The following HACD1 variants were observed in gnomAD, a reference collection of about 807,000 sequenced individuals.
HACD1 encodes 3-hydroxyacyl-CoA dehydratase 1, also known as very-long-chain (3R)-3-hydroxyacyl-CoA dehydratase 1.
Under a neutral mutation model 32.0 loss-of-function variants are expected in HACD1, and 41 were observed. The ratio of observed to expected loss-of-function variants is 1.28; its 90% CI spans 1.00 to 1.66. The LOEUF (loss-of-function observed/expected upper bound fraction) is 1.66, where lower values mean the gene tolerates loss of function less well. HACD1 is among the 40% of genes most tolerant of loss of function. The pLI is 0.00. For synonymous variants in HACD1, 142 were observed against 139.0 expected (o/e 1.02, Z -0.15); for missense variants, 396 against 380.1 (o/e 1.04, Z -0.35).
At chr10:17,606,732 G>A (rs1253700282) in intron 1 of HACD1, among the ~76,000 whole-genome samples, 1 of 152,170 alleles carries the variant, frequency 6.6e-6, no homozygotes, top group Non-Finnish European at 1.5e-5. Context: ...AGATTGGCAA[G>A]AAGTCAAGTA....
chr10:17,595,031 G>C (rs2131504282), intron 5 of HACD1, among the ~76,000 whole-genome samples: 1 of 151,944 alleles, frequency 6.6e-6, no homozygotes, highest in South Asian at 2.1e-4. Context: ...GTTAATTTTT[G>C]TATTTTTAGT....
intron 1 of HACD1, among the ~76,000 whole-genome samples, chr10:17,610,168 AATGG>A (rs1834212579): frequency 2.0e-5 from 3 of 152,270 alleles, no homozygotes; most frequent in Admixed American, 2.0e-4. Flanking sequence ...TCCATCAACA[AATGG>A]ATGGATGAAC....
chr10:17,606,947 G>T (rs964692556), intron 1 of HACD1, among the ~76,000 whole-genome samples: 9 of 152,184 alleles, frequency 5.9e-5, no homozygotes, highest in Non-Finnish European at 1.0e-4. Context: ...AATAGGCAGA[G>T]AGGGTCACAC....
Position 17,603,927 on chromosome 10 carries a change from TACCTC to T in HACD1, c.373_375+2del, listed in dbSNP as rs1426156076. On this transcript the variant is annotated splice_donor_variant and coding_sequence_variant, in exon 2 of 7. Coordinates refer to ENST00000361271, the MANE Select transcript of HACD1 (RefSeq NM_014241.4). LOFTEE classifies it high-confidence loss of function. ...TAGAAAAACAGCATGATGGAAAACT[TACCTC>T]AAGCAAGGCAAATGTCTGGAAAAAT... 8 of 1,588,460 alleles carry T rather than the reference TACCTC, an allele frequency of 5.0e-6. No individual in the cohort carries two copies. The highest frequency in any genetic ancestry group is 1.7e-4 in the Middle Eastern group (1 of 6,004).
intron 6 of HACD1, among the ~76,000 whole-genome samples, chr10:17,590,727 A>G (rs1833918261): frequency 6.6e-6 from 1 of 152,182 alleles, no homozygotes; most frequent in Non-Finnish European, 1.5e-5. Flanking sequence ...GCTAGAGTGC[A>G]GTAGCATGAT....
chr10:17,611,388 G>A (rs1554817482), intron 1 of HACD1, among the ~76,000 whole-genome samples: 1 of 152,154 alleles, frequency 6.6e-6, no homozygotes. Flanking sequence ...GCCTACTTAA[G>A]TCCTTCACCG....
At position 17,594,189 on chromosome 10, in the gene HACD1, A is replaced by G. The variant is rs890303623; in HGVS notation, c.784+16T>C. 5.0e-6 allele frequency: 7 copies of G among 1,399,694 alleles called. No homozygotes were observed. The highest frequency in any genetic ancestry group is 2.5e-5 in the Admixed American group (1 of 39,804). The allele number at this position is 1,399,694 out of a possible 1,614,324, so 86.7% of individuals were successfully genotyped here. On this transcript the variant is annotated intron_variant, in intron 6 of 6. Transcript: ENST00000361271. ...CATCATATGTCAAATCAAAGTACTA[A>G]TAAGTATATACTTACAAGGTATATA... is the stretch of plus-strand genomic sequence containing the variant.
intron 5 of HACD1, among the ~76,000 whole-genome samples, chr10:17,598,512 G>A (rs1055003309): frequency 5.3e-5 from 8 of 151,968 alleles, no homozygotes; most frequent in Non-Finnish European, 8.8e-5. Context: ...TTTATGTTTT[G>A]TCTTCATCAT....
chr10:17,615,235 T>A (rs1006975957), intron 1 of HACD1, among the ~76,000 whole-genome samples: 3 of 152,124 alleles, frequency 2.0e-5, no homozygotes, highest in African/African-American at 7.2e-5. Context: ...AGTCAGAGAG[T>A]CCGGGTTGAA....
chr10:17,594,472 C>G, intron 5 of HACD1, 89 bp from the exon 6 acceptor site: 1 of 993,436 alleles, frequency 1.0e-6, no homozygotes. Context: ...TAAATTTAAA[C>G]TTCAAAATTC....
intron 1 of HACD1, among the ~76,000 whole-genome samples, chr10:17,605,291 G>A (rs929825433): frequency 3.9e-5 from 6 of 152,128 alleles, no homozygotes; most frequent in South Asian, 2.1e-4. Context: ...TTGGGAGGCC[G>A]AGGCAGGTGG....
At chr10:17,605,478 T>C (rs1834132851) in intron 1 of HACD1, among the ~76,000 whole-genome samples, 1 of 146,572 alleles carries the variant, frequency 6.8e-6, no homozygotes, top group African/African-American at 2.5e-5. Flanking sequence ...TGAGCCAAGA[T>C]CACGCCACTG....
chr10:17,603,535 T>C, intron 4 of HACD1, 25 bp downstream of exon 4: 1 of 1,554,610 alleles, frequency 6.4e-7, no homozygotes, highest in Admixed American at 1.7e-5. Context: ...CAGGCTCAAG[T>C]AGACAACATG....
Position 17,617,184 on chromosome 10 carries a change from G to A in HACD1, c.156C>T (p.Ala52=), listed in dbSNP as rs1833103447. 2 of 1,503,588 alleles carry A rather than the reference G, an allele frequency of 1.3e-6. No homozygotes were observed. Among genetic ancestry groups the A allele is most frequent in the African/African-American group, 1.4e-5 (1 of 69,324 alleles). The allele number at this position is 1,503,588 out of a possible 1,614,324, so 93.1% of individuals were successfully genotyped here. A position where few individuals can be genotyped will look rare whatever the true frequency, so the allele number is the denominator to read the frequency against. ...SSDEDGTNGG[A]SEAGEDREAP... The stretch of plus-strand genomic sequence containing the variant: ...CCTCCCGGTCCTCGCCGGCCTCCGA[G>A]GCGCCGCCGTTGGTGCCGTCCTCGT... The change falls in exon 1 of 7, where the codon GCC becomes GCT. Residue 52 remains alanine, a synonymous_variant. Coordinates refer to ENST00000361271, the MANE Select transcript of HACD1 (RefSeq NM_014241.4).
rs370580269 is a variant in HACD1, at chr10:17,603,671, C to G, written c.395-23G>C. Reference sequence around the variant, plus strand: ...TTCCTTAAAAAGAAAAACAAGTGAACTATTGCCCTAAAGGCAATTTATAAT... The same window carrying G: ...TTCCTTAAAAAGAAAAACAAGTGAAGTATTGCCCTAAAGGCAATTTATAAT... On this transcript the variant is annotated intron_variant, in intron 3 of 6. Transcript: ENST00000361271. 35 of 1,607,232 alleles carry G rather than the reference C, an allele frequency of 2.2e-5. No homozygotes were observed. The East Asian group carries it at 3.1e-4, about 14-fold the overall frequency.
intron 1 of HACD1, among the ~76,000 whole-genome samples, chr10:17,612,237 C>T (rs1335386157): frequency 4.6e-5 from 7 of 151,878 alleles, no homozygotes; most frequent in East Asian, 1.9e-4. Context: ...TGTCGTTAGG[C>T]GCATGATTTA....
At chr10:17,593,105 G>A (rs1348075961) in intron 6 of HACD1, among the ~76,000 whole-genome samples, 2 of 152,012 alleles carry the variant, frequency 1.3e-5, no homozygotes, top group African/African-American at 2.4e-5. Flanking sequence ...GAGAGGCAGC[G>A]ATTGGAGTGA....
At position 17,590,230 on chromosome 10, in the gene HACD1, C is replaced by T; in HGVS notation, c.*134G>A. 3.4e-6 allele frequency: 2 copies of T among 585,606 alleles called. No homozygotes were observed. The highest frequency in any genetic ancestry group is 5.8e-6 in the Non-Finnish European group (2 of 342,654). 36.3% of individuals were successfully genotyped at this position (585,606 alleles called of 1,614,324 possible). A position where few individuals can be genotyped will look rare whatever the true frequency, so the allele number is the denominator to read the frequency against. On this transcript the variant is annotated 3_prime_UTR_variant, in exon 7 of 7. Coordinates refer to ENST00000361271, the MANE Select transcript of HACD1 (RefSeq NM_014241.4). ...GAGGAACACAAATACTGGCAAATAC[C>T]ACGTGTCTCAAGTTATATTTTAAGA...
In HACD1 at chr10:17,599,086, T is replaced by C. The variant is rs937365426; in HGVS notation, c.605+204A>G. Reference sequence around the variant, plus strand: ...TGTCTCACATTGATTTCACTCAAAATATTTATTAATACGATTCCTCTCTCA... The same window carrying C: ...TGTCTCACATTGATTTCACTCAAAACATTTATTAATACGATTCCTCTCTCA... On this transcript the variant is annotated intron_variant, in intron 5 of 6. Coordinates refer to ENST00000361271, the MANE Select transcript of HACD1 (RefSeq NM_014241.4). 4.1e-6 allele frequency: 4 copies of C among 974,960 alleles called. No individual in the cohort carries two copies. In the Admixed American group the frequency reaches 1.6e-4, roughly 38 times the overall value. 60.4% of individuals were successfully genotyped at this position (974,960 alleles called of 1,614,324 possible).
Sources: allele counts gnomAD v4.1 joint callset (sites outside exome capture counted in the v4.1 genomes callset), GRCh38; gene constraint gnomAD v4.1.1; transcripts MANE v1.5; gene names NCBI Gene and HGNC (gene_info 2026-07-23, HGNC 2026-07-21).